ZMYM4: variants seen among roughly 807,000 people sequenced by gnomAD.
ZMYM4 encodes zinc finger MYM-type containing 4.
Under a neutral mutation model 183.2 loss-of-function variants are expected in ZMYM4, and 31 were observed. The observed-to-expected ratio is 0.17, with a 90% CI of 0.13 to 0.23. The LOEUF is 0.23. Ranked by LOEUF, ZMYM4 falls within the 10% of genes least tolerant of loss-of-function variation. The pLI, the probability that ZMYM4 is intolerant of heterozygous loss-of-function variation, is 1.00. For synonymous variants in ZMYM4, 592 were observed against 631.2 expected (o/e 0.94, Z 0.93); for missense variants, 1,273 against 1,840.3 (o/e 0.69, Z 5.64).
At position 35,381,701 on chromosome 1, in the gene ZMYM4, G is replaced by C; in HGVS notation, c.1512G>C (p.Gln504His). ...GGTCGGGACAATGCCACATGCTTCA[G>C]ATAGAGGGACAGTCTAAGAAGTTTT... is the stretch of plus-strand genomic sequence containing the variant. ...YSGSGQCHMLQIEGQSKKFCS... is the reference protein window; with the variant it reads ...YSGSGQCHMLHIEGQSKKFCS... The change falls in exon 9 of 30, where the codon CAG (glutamine) becomes CAC (histidine). Residue 504 changes from glutamine (Q) to histidine (H), a missense_variant. Transcript: ENST00000314607. 1 of 1,614,230 alleles carries C rather than the reference G, an allele frequency of 6.2e-7. No homozygotes were observed. Among genetic ancestry groups the C allele is most frequent in the East Asian group, 2.2e-5 (1 of 44,894 alleles).
At chr1:35,303,144 T>C (rs144311568) in intron 1 of ZMYM4, among the ~76,000 whole-genome samples, 127 of 148,130 alleles carry the variant, frequency 8.6e-4, no homozygotes, top group African/African-American at 3.0e-3. Context: ...ATCCAGAAAT[T>C]AGTTAGGTGT....
At chr1:35,367,293 C>A (rs144259377) in intron 5 of ZMYM4, among the ~76,000 whole-genome samples, 1 of 151,564 alleles carries the variant, frequency 6.6e-6, no homozygotes, top group African/African-American at 2.4e-5. Flanking sequence ...AATATTGGCT[C>A]GCTGCAACCT....
intron 6 of ZMYM4, 94 bp downstream of exon 6, chr1:35,370,207 TCTACCCA>T: frequency 1.3e-6 from 2 of 1,534,906 alleles, no homozygotes; most frequent in South Asian, 2.5e-5. Context: ...GGCAGCTCTC[TCTACCCA>T]CTTAGGATGC....
At chr1:35,286,959 C>G (rs565044893) in intron 1 of ZMYM4, among the ~76,000 whole-genome samples, 1 of 151,572 alleles carries the variant, frequency 6.6e-6, no homozygotes, top group East Asian at 1.9e-4. Context: ...AAATTCTTCT[C>G]TTTAGGAACA....
chr1:35,281,585 G>A (rs1005165282), intron 1 of ZMYM4, among the ~76,000 whole-genome samples: 5 of 151,728 alleles, frequency 3.3e-5, no homozygotes, highest in African/African-American at 1.2e-4. Context: ...GTATACATAC[G>A]TGTGTATCAA....
intron 5 of ZMYM4, among the ~76,000 whole-genome samples, chr1:35,364,585 GTATTA>G (rs1373426243): frequency 7.9e-5 from 12 of 152,062 alleles, no homozygotes. Context: ...GAACTCTAGT[GTATTA>G]TATTATTAGT....
intron 15 of ZMYM4, among the ~76,000 whole-genome samples, chr1:35,391,396 C>T (rs1036679461): frequency 2.0e-5 from 3 of 152,272 alleles, no homozygotes; most frequent in African/African-American, 7.2e-5. Flanking sequence ...CTTATCTTAT[C>T]AGGACTACAC....
rs1368712925 is a variant in ZMYM4, at chr1:35,389,766, A to ATAT, written c.2437-182_2437-181insTAT. On this transcript the variant is annotated intron_variant, in intron 14 of 29. Transcript: ENST00000314607. The surrounding 1 kb of genome is among the most constrained non-coding windows in gnomAD (Gnocchi z 4.0). ...CAAGGCTCTGTCTCAAAAAAAAAAA[A>ATAT]AAATATATATATATATGTGTGTGTG... Among the ~76,000 whole-genome samples the ATAT allele has an allele frequency of 7.6e-6, 1 of 131,850 alleles. No individual in the cohort carries two copies. The highest frequency in any genetic ancestry group is 3.4e-5 in the African/African-American group (1 of 29,226). 86.5% of individuals were successfully genotyped at this position (131,850 alleles called of 152,430 possible). A position where few individuals can be genotyped will look rare whatever the true frequency, so the allele number is the denominator to read the frequency against.
chr1:35,415,195 T>C (rs1570559250), intron 27 of ZMYM4, among the ~76,000 whole-genome samples: 1 of 152,326 alleles, frequency 6.6e-6, no homozygotes. Flanking sequence ...AAATATTTAC[T>C]TTCTGGCCCT....
chr1:35,351,670 A>G, intron 2 of ZMYM4: 1 of 510,406 alleles, frequency 2.0e-6, no homozygotes, highest in Non-Finnish European at 3.5e-6. Flanking sequence ...TAGCAACAAC[A>G]ACAACAAAAA....
In ZMYM4 at chr1:35,317,071, G is replaced by A. The variant is rs143044402; in HGVS notation, c.40-8289G>A. 5.1e-3 allele frequency among the ~76,000 whole-genome samples: 771 copies of A among 151,226 alleles called. 8 individuals carry two copies. The highest frequency in any genetic ancestry group is 0.021 in the Middle Eastern group (6 of 292). On this transcript the variant is annotated intron_variant, in intron 1 of 29. Transcript: ENST00000314607. ...TGGGAGGTGGAGGTTGCAGTGAGCC[G>A]AGATCATGCCATTGCACTCCAGCCT... is the stretch of plus-strand genomic sequence containing the variant.
At chr1:35,298,429 A>C (rs1174258110) in intron 1 of ZMYM4, among the ~76,000 whole-genome samples, 1 of 152,122 alleles carries the variant, frequency 6.6e-6, no homozygotes, top group African/African-American at 2.4e-5. Flanking sequence ...GTCACTAGGA[A>C]GCCCCTTGCT....
At chr1:35,384,846 T>TC (rs1380251042) in intron 9 of ZMYM4, among the ~76,000 whole-genome samples, 3 of 132,190 alleles carry the variant, frequency 2.3e-5, no homozygotes, top group Admixed American at 7.1e-5. Context: ...TTTTTCTTTT[T>TC]TTTTTTTTTT....
intron 2 of ZMYM4, among the ~76,000 whole-genome samples, chr1:35,352,257 GCACGCGCGCGCGCACACACA>G (rs1481617353): frequency 1.0e-5 from 1 of 99,862 alleles, no homozygotes; most frequent in African/African-American, 4.2e-5. Flanking sequence ...AAATTAGCGC[GCACGCGCGCGCGCACACACA>G]CACACACACA....
chr1:35,283,586 C>T (rs1013252280), intron 1 of ZMYM4, among the ~76,000 whole-genome samples: 1 of 151,976 alleles, frequency 6.6e-6, no homozygotes, highest in African/African-American at 2.4e-5. Flanking sequence ...AGCCACCCGC[C>T]TCGGCCTCCC....
chr1:35,390,121 A>G, intron 15 of ZMYM4, 23 bp downstream of exon 15: 1 of 1,607,166 alleles, frequency 6.2e-7, no homozygotes, highest in Non-Finnish European at 8.5e-7. Context: ...TTAGGTACTG[A>G]ATGGAGTCTT....
At chr1:35,281,206 C>A (rs568999034) in intron 1 of ZMYM4, among the ~76,000 whole-genome samples, 1 of 152,016 alleles carries the variant, frequency 6.6e-6, no homozygotes, top group African/African-American at 2.4e-5. Context: ...ATCACTTGAA[C>A]CCAGGAGGCG....
intron 1 of ZMYM4, among the ~76,000 whole-genome samples, chr1:35,287,572 G>A (rs1304090610): frequency 6.6e-6 from 1 of 151,536 alleles, no homozygotes. Flanking sequence ...TTCTCAACTT[G>A]TTATTTTTCC....
chr1:35,399,076 T>G, intron 22 of ZMYM4, 33 bp downstream of exon 22: 4 of 1,605,248 alleles, frequency 2.5e-6, no homozygotes, highest in Non-Finnish European at 3.4e-6. Flanking sequence ...ACTGAAAGCT[T>G]TTTATTTTAA....
Sources: gnomAD v4.1 joint callset for allele counts (sites outside exome capture counted in the v4.1 genomes callset) on GRCh38, gnomAD v4.1.1 for gene constraint, Gnocchi (gnomAD v3.1) non-coding constraint, MANE v1.5 for transcripts, NCBI Gene and HGNC (gene_info 2026-07-23, HGNC 2026-07-21) for gene names.